PCDHA3: variants seen among roughly 807,000 people sequenced by gnomAD.
PCDHA3 encodes the protein protocadherin alpha-3.
Under a neutral mutation model 62.2 loss-of-function variants are expected in PCDHA3, and 41 were observed. The ratio of observed to expected loss-of-function variants is 0.66; its 90% CI spans 0.51 to 0.86. The LOEUF (loss-of-function observed/expected upper bound fraction) is 0.86, where lower values mean the gene tolerates loss of function less well. PCDHA3 is among the 40% of genes least tolerant of loss of function. The probability of loss-of-function intolerance (pLI) is 0.00; values close to 1 mark genes in which losing one functional copy is unlikely to be tolerated. For synonymous variants in PCDHA3, 640 were observed against 555.4 expected, an observed-to-expected ratio of 1.15 and a Z score of -2.14; for missense variants, 1,304 against 1,241.2, an observed-to-expected ratio of 1.05 and a Z score of -0.76.
intron 1 of PCDHA3, chr5:140,926,870 G>A: frequency 6.6e-7 from 1 of 1,524,514 alleles, no homozygotes; most frequent in South Asian, 1.3e-5. Context: ...CGTGTTGGTG[G>A]AACGTGGACG....
intron 3 of PCDHA3, among the ~76,000 whole-genome samples, chr5:140,998,830 C>G (rs1385890461): frequency 6.6e-6 from 1 of 152,200 alleles, no homozygotes; most frequent in African/African-American, 2.4e-5. Flanking sequence ...TCCCAAAGTG[C>G]TGGATTACTG....
In PCDHA3 at chr5:140,823,574, C is replaced by T. The variant is rs2150127035; in HGVS notation, c.2394+19983C>T. The T allele has an allele frequency of 1.3e-5, 21 of 1,613,944 alleles. 1 individual carries two copies. Among genetic ancestry groups the T allele is most frequent in the South Asian group, 1.2e-4 (11 of 91,078 alleles). On this transcript the variant is annotated intron_variant, in intron 1 of 3. Transcript: ENST00000522353. The stretch of plus-strand genomic sequence containing the variant: ...AAGGTGCGCGCAGTGGACCCTGATT[C>T]GGGCTACAACGCTTGGCTTTCGTAT...
At chr5:140,848,605 A>G in intron 1 of PCDHA3, 4 of 1,593,610 alleles carry the variant, frequency 2.5e-6, no homozygotes, top group African/African-American at 2.7e-5. Flanking sequence ...TCCGTCCCGG[A>G]GGAAGCCGAA....
chr5:140,876,511 G>A lies in PCDHA3; in HGVS notation c.2394+72920G>A, dbSNP rs559810221. 2.4e-4 allele frequency: 380 copies of A among 1,614,076 alleles called. 4 individuals carry two copies. The South Asian group carries it at 3.9e-3, about 16-fold the overall frequency. ...GGAAGTTCTGGACGTGAATGACAATGTCCCTGAAGTAATGGTTACTTCACT... is the reference window on the plus strand; with the variant it reads ...GGAAGTTCTGGACGTGAATGACAATATCCCTGAAGTAATGGTTACTTCACT... On this transcript the variant is annotated intron_variant, in intron 1 of 3. Coordinates refer to ENST00000522353, the MANE Select transcript of PCDHA3 (RefSeq NM_018906.3).
chr5:140,903,760 C>T (rs1252310927), intron 1 of PCDHA3, among the ~76,000 whole-genome samples: 2 of 152,108 alleles, frequency 1.3e-5, no homozygotes, highest in Non-Finnish European at 2.9e-5. Flanking sequence ...TTGATTTTTG[C>T]TGAACTTTTC....
intron 1 of PCDHA3, chr5:140,882,248 CTG>C (rs1554173227): frequency 1.3e-6 from 2 of 1,594,792 alleles, no homozygotes; most frequent in Non-Finnish European, 1.7e-6. Context: ...GCAGATAGCT[CTG>C]AGGTTTTTGG....
intron 1 of PCDHA3, chr5:140,809,316 T>G: frequency 6.2e-7 from 1 of 1,614,074 alleles, no homozygotes. Flanking sequence ...GTGTCCAGCC[T>G]TTTGGTGCTC....
intron 1 of PCDHA3, among the ~76,000 whole-genome samples, chr5:140,873,452 C>A (rs147398020): frequency 6.4e-4 from 97 of 152,122 alleles, no homozygotes; most frequent in Non-Finnish European, 1.1e-3. Context: ...AACAAATTTG[C>A]ATTTTAGATA....
In PCDHA3 at chr5:140,858,544, T is replaced by C. The variant is rs782004922; in HGVS notation, c.2394+54953T>C. ...ATATTTCATTTTTGTCTACATTCCA[T>C]TTATGCTTGAATATTTCTAGTGATA... On this transcript the variant is annotated intron_variant, in intron 1 of 3. Transcript: ENST00000522353. 5 of 1,398,226 alleles carry C rather than the reference T, an allele frequency of 3.6e-6. No homozygotes were observed. The South Asian group carries it at 5.0e-5, about 14-fold the overall frequency. 86.6% of individuals were successfully genotyped at this position (1,398,226 alleles called of 1,614,324 possible). A position where few individuals can be genotyped will look rare whatever the true frequency, so the allele number is the denominator to read the frequency against.
At chr5:140,810,298 T>C (rs782625425) in intron 1 of PCDHA3, 2 of 152,268 alleles carry the variant, frequency 1.3e-5, no homozygotes, top group Non-Finnish European at 2.9e-5. Context: ...ATAAATATAT[T>C]GTACATTTCT....
rs369163231 is a variant in PCDHA3 at position 140,807,788 on chromosome 5, G to C, written c.2394+4197G>C. 2.5e-6 allele frequency: 4 copies of C among 1,614,024 alleles called. No homozygotes were observed. The highest frequency in any genetic ancestry group is 3.4e-6 in the Non-Finnish European group (4 of 1,180,050). ...TGGGCTTATATTACGGAAATCTTTAGACAGAGAAGAAGCTCCGGAGATTTT... is the reference window on the plus strand; with the variant it reads ...TGGGCTTATATTACGGAAATCTTTACACAGAGAAGAAGCTCCGGAGATTTT... On this transcript the variant is annotated intron_variant, in intron 1 of 3. Coordinates refer to ENST00000522353, the MANE Select transcript of PCDHA3 (RefSeq NM_018906.3).
intron 1 of PCDHA3, chr5:140,862,942 G>C (rs75462656): frequency 5.5e-6 from 3 of 542,062 alleles, no homozygotes; most frequent in Admixed American, 3.9e-5. Flanking sequence ...CTGTGAGTGA[G>C]CTGGTGCGGT....
intron 1 of PCDHA3, among the ~76,000 whole-genome samples, chr5:140,946,757 C>T (rs1179265601): frequency 6.6e-6 from 1 of 151,268 alleles, no homozygotes; most frequent in Non-Finnish European, 1.5e-5. Context: ...ACTGCATGAT[C>T]TCATTCATGT....
intron 1 of PCDHA3, chr5:140,863,799 G>T: frequency 4.7e-6 from 1 of 212,460 alleles, no homozygotes; most frequent in Non-Finnish European, 9.6e-6. Context: ...AGGAGTTTGA[G>T]ACCAGCCTGG....
intron 1 of PCDHA3, chr5:140,841,757 A>G (rs144800443): frequency 7.4e-6 from 12 of 1,613,818 alleles, no homozygotes; most frequent in African/African-American, 1.3e-5. Context: ...TTCAGAATCC[A>G]GAATGCCAGA....
chr5:140,979,125 C>T (rs782380399), intron 2 of PCDHA3, 118 bp downstream of exon 2: 4 of 1,479,726 alleles, frequency 2.7e-6, no homozygotes, highest in African/African-American at 2.8e-5. Context: ...GGTACTTTGC[C>T]AGGAAAATGC....
intron 1 of PCDHA3, among the ~76,000 whole-genome samples, chr5:140,961,888 T>G (rs1361187779): frequency 4.0e-5 from 5 of 124,944 alleles, no homozygotes; most frequent in Non-Finnish European, 7.9e-5. Context: ...CTTACATCAG[T>G]TTTTTTTTTT....
intron 1 of PCDHA3, chr5:140,861,891 C>T (rs2047126506): frequency 6.5e-6 from 1 of 154,838 alleles, no homozygotes; most frequent in African/African-American, 2.4e-5. Flanking sequence ...CTGACAGGCA[C>T]CAAAGCATTA....
chr5:140,886,827 G>GAAAA (rs782016620), intron 1 of PCDHA3, among the ~76,000 whole-genome samples: 11 of 60,864 alleles, frequency 1.8e-4, no homozygotes, highest in Admixed American at 1.8e-4. Context: ...ACTTCGTCTT[G>GAAAA]AAAAAAAAAA....
Sources: allele counts gnomAD v4.1 joint callset (sites outside exome capture counted in the v4.1 genomes callset), GRCh38; gene constraint gnomAD v4.1.1; transcripts MANE v1.5; gene names NCBI Gene and HGNC (gene_info 2026-07-23, HGNC 2026-07-21).